The following P2RY10 variants were observed in gnomAD, a reference collection of about 807,000 sequenced individuals.
P2RY10 encodes the protein putative P2Y purinoceptor 10.
In P2RY10, 4 loss-of-function variants were observed where a neutral mutation model predicts 12.1. The ratio of observed to expected loss-of-function variants is 0.33; its 90% confidence interval spans 0.16 to 0.76. P2RY10 has a LOEUF of 0.76. Among genes scored for constraint, P2RY10 ranks in the 30% least tolerant of loss-of-function variants. P2RY10 has a pLI of 0.61. For missense variants in P2RY10, 233 were observed against 264.6 expected (o/e 0.88, Z 0.83); for synonymous variants, 112 against 94.1 (o/e 1.19, Z -1.10).
chrX:78,960,258 C>T (rs942676606), intron 3 of P2RY10, among the ~76,000 whole-genome samples: 16 of 112,025 alleles, frequency 1.4e-4, no homozygotes, highest in Non-Finnish European at 1.7e-4. Context: ...ACATCTTAGC[C>T]TGCAAAATAC....
intron 3 of P2RY10, among the ~76,000 whole-genome samples, chrX:78,955,815 C>T (rs1205593145): frequency 9.0e-6 from 1 of 111,682 alleles, no homozygotes; most frequent in Non-Finnish European, 1.9e-5. Flanking sequence ...CTCAGGGACA[C>T]AGATCGTTGT....
intron 1 of P2RY10, among the ~76,000 whole-genome samples, chrX:78,946,456 A>G (rs1228836029): frequency 8.9e-6 from 1 of 111,996 alleles, no homozygotes; most frequent in Non-Finnish European, 1.9e-5. Context: ...ACTGTGCCAA[A>G]TCATTTGGAA....
chrX:78,960,783 C>T lies in P2RY10; in HGVS notation c.263C>T (p.Pro88Leu). The change falls in exon 4 of 4, where the codon CCC becomes CTC. Residue 88 changes from proline (P) to leucine (L), a missense_variant. Pro to Leu is a moderately conservative substitution (Grantham distance 98). Coordinates refer to ENST00000171757, the MANE Select transcript of P2RY10 (RefSeq NM_014499.4). The stretch of plus-strand genomic sequence containing the variant: ...GACCTTGCTCATGTATTATCTTTAC[C>T]CCTCCGGATTTACTATTACATCAGC... ...VADLAHVLSLPLRIYYYISHH... is the reference protein window; with the variant it reads ...VADLAHVLSLLLRIYYYISHH... 8.3e-7 allele frequency: 1 copy of T among 1,211,368 alleles called. No homozygotes were observed. The highest frequency in any genetic ancestry group is 1.1e-6 in the Non-Finnish European group (1 of 895,246).
rs1046768145 is a variant in P2RY10 at position 78,961,927 on chromosome X, G to T, written c.*387G>T. ...TAAAAAAAAAAATCTTTCATATAAAGACCTTAAATTCTGAGTGAGAGTAAA... is the reference window on the plus strand; with the variant it reads ...TAAAAAAAAAAATCTTTCATATAAATACCTTAAATTCTGAGTGAGAGTAAA... On this transcript the variant is annotated 3_prime_UTR_variant, in exon 4 of 4. Transcript: ENST00000171757. 2 of 131,830 alleles carry T rather than the reference G, an allele frequency of 1.5e-5. No individual in the cohort carries two copies. Among genetic ancestry groups the T allele is most frequent in the Non-Finnish European group, 3.4e-5 (2 of 59,090 alleles). The allele number at this position is 131,830 out of a possible 1,213,427, so 10.9% of individuals were successfully genotyped here. A position where few individuals can be genotyped will look rare whatever the true frequency, so the allele number is the denominator to read the frequency against.
intron 2 of P2RY10, among the ~76,000 whole-genome samples, chrX:78,949,191 T>G (rs1365586813): frequency 8.9e-6 from 1 of 111,898 alleles, no homozygotes; most frequent in Non-Finnish European, 1.9e-5. Flanking sequence ...TATCTTCTTT[T>G]GAGGAATCTC....
chrX:78,950,061 C>A (rs1007056679), intron 2 of P2RY10, among the ~76,000 whole-genome samples: 1 of 111,989 alleles, frequency 8.9e-6, no homozygotes, highest in South Asian at 3.7e-4. Context: ...ATTTTTTCTT[C>A]CCCTCCCAGG....
intron 1 of P2RY10, among the ~76,000 whole-genome samples, chrX:78,946,000 C>T (rs1029495123): frequency 1.8e-5 from 2 of 111,598 alleles, no homozygotes; most frequent in African/African-American, 6.5e-5. Flanking sequence ...ATTCTGGGGG[C>T]TGAAAGGGCC....
rs1227334604 is a variant in P2RY10, at chrX:78,961,115, A to G, written c.595A>G (p.Ile199Val). 5.0e-6 allele frequency: 6 copies of G among 1,211,223 alleles called. No individual in the cohort carries two copies. The highest frequency in any genetic ancestry group is 1.7e-5 in the African/African-American group (1 of 57,692). Residue 199 changes from isoleucine (I) to valine (V), a missense_variant, in exon 4 of 4, where the codon ATT (isoleucine) becomes GTT (valine). Ile to Val is a conservative substitution (Grantham distance 29, BLOSUM62 3). Coordinates refer to ENST00000171757, the MANE Select transcript of P2RY10 (RefSeq NM_014499.4). ...GAATGCAGTTGCGTTGGTCGGGATGATTACAGTTGCTGAGCTTGCAGGATT... is the reference window on the plus strand; with the variant it reads ...GAATGCAGTTGCGTTGGTCGGGATGGTTACAGTTGCTGAGCTTGCAGGATT... The part of the protein sequence containing the change: ...QMNAVALVGM[I>V]TVAELAGFVI...
chrX:78,962,378 T>C lies in P2RY10; in HGVS notation c.*838T>C, dbSNP rs1185428480. On this transcript the variant is annotated 3_prime_UTR_variant, in exon 4 of 4. Coordinates refer to ENST00000171757, the MANE Select transcript of P2RY10 (RefSeq NM_014499.4). ...ATGAATAAATGGAACTTCAGAGAGG[T>C]TAAGCAATTTGCCTCAGGATCAACA... Among the ~76,000 whole-genome samples, 1 of 111,776 alleles carries C rather than the reference T, an allele frequency of 8.9e-6. No individual in the cohort carries two copies. Among genetic ancestry groups the C allele is most frequent in the Non-Finnish European group, 1.9e-5 (1 of 53,157 alleles).
chrX:78,960,114 A>T (rs768037381), intron 3 of P2RY10, among the ~76,000 whole-genome samples: 1 of 112,276 alleles, frequency 8.9e-6, no homozygotes, highest in African/African-American at 3.2e-5. Context: ...CTAAATTTCT[A>T]CTACTGCAAT....
At chrX:78,952,496 G>A (rs1249746346) in intron 3 of P2RY10, among the ~76,000 whole-genome samples, 161 bp downstream of exon 3, 1 of 111,669 alleles carries the variant, frequency 9.0e-6, no homozygotes, top group Non-Finnish European at 1.9e-5. Flanking sequence ...GATATAAAGT[G>A]AGGAAAAGAA....
intron 1 of P2RY10, among the ~76,000 whole-genome samples, chrX:78,946,921 G>A (rs943646145): frequency 1.8e-5 from 2 of 111,995 alleles, no homozygotes; most frequent in Non-Finnish European, 3.8e-5. Context: ...GGTTTTAAAA[G>A]ACAGGCCAGC....
At chrX:78,948,453 A>T (rs1292449646) in intron 2 of P2RY10, among the ~76,000 whole-genome samples, 1 of 111,133 alleles carries the variant, frequency 9.0e-6, no homozygotes, top group African/African-American at 3.3e-5. Context: ...TTTTACACAC[A>T]TTTTCTTTTT....
chrX:78,950,238 T>C (rs926436314), intron 2 of P2RY10, among the ~76,000 whole-genome samples: 1 of 111,241 alleles, frequency 9.0e-6, no homozygotes, highest in African/African-American at 3.3e-5. Context: ...ATGGTGGCAG[T>C]GTCAATGGTG....
intron 3 of P2RY10, among the ~76,000 whole-genome samples, chrX:78,960,035 G>A (rs1485924133): frequency 9.0e-6 from 1 of 111,094 alleles, no homozygotes; most frequent in African/African-American, 3.3e-5. Context: ...GGGGTTCCAA[G>A]ATAAGAAGCC....
Position 78,963,221 on chromosome X carries a change from A to C in P2RY10, c.*1681A>C, listed in dbSNP as rs1569247067. ...TAGTTCTGAGAATATTCATTTGAAC[A>C]GAGTGACTATGGAAGAATGAATAGC... is the stretch of plus-strand genomic sequence containing the variant. On this transcript the variant is annotated 3_prime_UTR_variant, in exon 4 of 4. Coordinates refer to ENST00000171757, the MANE Select transcript of P2RY10 (RefSeq NM_014499.4). Among the ~76,000 whole-genome samples, 1 of 112,278 alleles carries C rather than the reference A, an allele frequency of 8.9e-6. No individual in the cohort carries two copies. Among genetic ancestry groups the C allele is most frequent in the Non-Finnish European group, 1.9e-5 (1 of 53,258 alleles).
intron 1 of P2RY10, among the ~76,000 whole-genome samples, chrX:78,946,510 T>G (rs1412222992): frequency 8.9e-6 from 1 of 112,107 alleles, no homozygotes; most frequent in Non-Finnish European, 1.9e-5. Flanking sequence ...TGGCTGTGCT[T>G]TCCAGGGGAG....
Position 78,961,724 on chromosome X carries a change from G to C in P2RY10, c.*184G>C, listed in dbSNP as rs977406663. ...GGCAGAGTGTGAAAAACGTGAGAGAGGAAGAGAAAATAGATTTACCTGATT... is the reference window on the plus strand; with the variant it reads ...GGCAGAGTGTGAAAAACGTGAGAGACGAAGAGAAAATAGATTTACCTGATT... On this transcript the variant is annotated 3_prime_UTR_variant, in exon 4 of 4. Coordinates refer to ENST00000171757, the MANE Select transcript of P2RY10 (RefSeq NM_014499.4). 2.3e-5 allele frequency: 8 copies of C among 344,558 alleles called. No individual in the cohort carries two copies. Among genetic ancestry groups the C allele is most frequent in the Non-Finnish European group, 1.5e-5 (3 of 195,251 alleles). The allele number at this position is 344,558 out of a possible 1,213,427, so 28.4% of individuals were successfully genotyped here. A position where few individuals can be genotyped will look rare whatever the true frequency, so the allele number is the denominator to read the frequency against.
At chrX:78,950,182 G>A (rs1323237904) in intron 2 of P2RY10, among the ~76,000 whole-genome samples, 1 of 111,087 alleles carries the variant, frequency 9.0e-6, no homozygotes, top group South Asian at 3.8e-4. Flanking sequence ...GAAAAGACAG[G>A]GAAGATTGAG....
Sources: gnomAD v4.1 joint callset for allele counts (sites outside exome capture counted in the v4.1 genomes callset) on GRCh38, gnomAD v4.1.1 for gene constraint, MANE v1.5 for transcripts, NCBI Gene and HGNC (gene_info 2026-07-23, HGNC 2026-07-21) for gene names.